The following BICD1 variants were observed in gnomAD, a reference collection of about 807,000 sequenced individuals.
The protein encoded by BICD1 is protein bicaudal D homolog 1.
In BICD1, 35 loss-of-function variants were observed where a neutral mutation model predicts 92.5. The observed-to-expected ratio is 0.38, with a 90% CI of 0.29 to 0.50. The LOEUF is 0.50. Ranked by LOEUF, BICD1 falls within the 20% of genes least tolerant of loss-of-function variation. The pLI, the probability that BICD1 is intolerant of heterozygous loss-of-function variation, is 0.93. For synonymous variants in BICD1, 429 were observed against 465.1 expected, an observed-to-expected ratio of 0.92 and a Z score of 1.00; for missense variants, 950 against 1,189.8, an observed-to-expected ratio of 0.80 and a Z score of 2.97.
At chr12:32,354,207 G>A (rs1173970537) in intron 8 of BICD1, 2 of 152,176 alleles carry the variant, frequency 1.3e-5, no homozygotes, top group African/African-American at 2.4e-5. Context: ...GGGAAGATGG[G>A]TGAAAGGTTT....
intron 4 of BICD1, among the ~76,000 whole-genome samples, chr12:32,314,560 C>T (rs554715683): frequency 6.6e-6 from 1 of 152,068 alleles, no homozygotes; most frequent in African/African-American, 2.4e-5. Flanking sequence ...CTTATCTGCT[C>T]TTTTATATCT....
intron 2 of BICD1, among the ~76,000 whole-genome samples, chr12:32,261,232 A>G (rs536010979): frequency 7.0e-6 from 1 of 142,570 alleles, no homozygotes; most frequent in Non-Finnish European, 1.5e-5. Flanking sequence ...AACTCATCCA[A>G]AACTTACAAA....
At chr12:32,189,316 C>T (rs141281069) in intron 1 of BICD1, among the ~76,000 whole-genome samples, 120 of 152,300 alleles carry the variant, frequency 7.9e-4, no homozygotes, top group South Asian at 2.5e-3. Context: ...AGACAATGTG[C>T]AGACAACCTC....
chr12:32,217,322 A>G (rs1945389726), intron 2 of BICD1, among the ~76,000 whole-genome samples: 1 of 152,244 alleles, frequency 6.6e-6, no homozygotes, highest in Non-Finnish European at 1.5e-5. Flanking sequence ...TTAGTGATAG[A>G]AATATGTAGG....
At chr12:32,362,642 T>A (rs1939372863) in intron 8 of BICD1, among the ~76,000 whole-genome samples, 2 of 152,174 alleles carry the variant, frequency 1.3e-5, no homozygotes, top group African/African-American at 4.8e-5. Context: ...TTTCTAGAGG[T>A]AGCTGGTGTC....
chr12:32,141,636 G>A (rs1357680236), intron 1 of BICD1, among the ~76,000 whole-genome samples: 1 of 152,096 alleles, frequency 6.6e-6, no homozygotes, highest in Non-Finnish European at 1.5e-5. Flanking sequence ...ACTACGCCCA[G>A]CTAATTTTTC....
chr12:32,110,857 T>G (rs1233268868), intron 1 of BICD1, among the ~76,000 whole-genome samples: 7 of 137,626 alleles, frequency 5.1e-5, no homozygotes, highest in East Asian at 2.5e-4. Flanking sequence ...GGAGGGGGGA[T>G]GGATAGCATT....
chr12:32,262,873 G>A (rs1385987907), intron 2 of BICD1, among the ~76,000 whole-genome samples: 1 of 152,200 alleles, frequency 6.6e-6, no homozygotes, highest in African/African-American at 2.4e-5. Context: ...GCTGTGAGTG[G>A]TGGCTCACGC....
chr12:32,314,860 C>A (rs11051925), intron 4 of BICD1, among the ~76,000 whole-genome samples: 2 of 151,732 alleles, frequency 1.3e-5, no homozygotes, highest in African/African-American at 2.4e-5. Context: ...AGCCTCAAAC[C>A]CCTGGACTCT....
intron 2 of BICD1, among the ~76,000 whole-genome samples, chr12:32,261,774 T>A (rs1218350780): frequency 6.6e-6 from 1 of 152,172 alleles, no homozygotes; most frequent in Non-Finnish European, 1.5e-5. Context: ...AGGAGCTCAC[T>A]GGGGCCATCA....
chr12:32,256,559 A>G (rs1946726727), intron 2 of BICD1, among the ~76,000 whole-genome samples: 1 of 152,262 alleles, frequency 6.6e-6, no homozygotes. Context: ...TCTTTTAGAA[A>G]ATGATAAAGA....
chr12:32,253,530 T>G (rs918868437), intron 2 of BICD1, among the ~76,000 whole-genome samples: 3 of 152,162 alleles, frequency 2.0e-5, no homozygotes, highest in Non-Finnish European at 4.4e-5. Context: ...ATCAGACTGT[T>G]TCCTCTTTTA....
chr12:32,327,398 T>C (rs1948806482), intron 4 of BICD1, 63 bp from the exon 5 acceptor site: 1 of 1,520,890 alleles, frequency 6.6e-7, no homozygotes, highest in East Asian at 2.3e-5. Context: ...CGACTGTGAA[T>C]GGATTAAGTT....
intron 1 of BICD1, among the ~76,000 whole-genome samples, chr12:32,204,738 A>G (rs529783261): frequency 6.6e-6 from 1 of 152,304 alleles, no homozygotes; most frequent in Non-Finnish European, 1.5e-5. Flanking sequence ...GTGATTCTCA[A>G]ATGGTATGCC....
In BICD1 at chr12:32,337,398, T is replaced by C; in HGVS notation, c.2253-101T>C. 4 of 1,111,500 alleles carry C rather than the reference T, an allele frequency of 3.6e-6. No individual in the cohort carries two copies. The highest frequency in any genetic ancestry group is 5.2e-6 in the Non-Finnish European group (4 of 773,964). The allele number at this position is 1,111,500 out of a possible 1,614,324, so 68.9% of individuals were successfully genotyped here. A position where few individuals can be genotyped will look rare whatever the true frequency, so the allele number is the denominator to read the frequency against. The stretch of plus-strand genomic sequence containing the variant: ...TTGCTAGACCTTTAAACCAGTCTTC[T>C]AAATTTCTAAATTTCGGTCAAATTT... On this transcript the variant is annotated intron_variant, in intron 6 of 9. Transcript: ENST00000652176. The surrounding 1 kb of genome is among the most constrained non-coding windows in gnomAD (Gnocchi z 4.7).
At chr12:32,301,248 A>C (rs1014121596) in intron 3 of BICD1, among the ~76,000 whole-genome samples, 2 of 152,118 alleles carry the variant, frequency 1.3e-5, no homozygotes, top group African/African-American at 2.4e-5. Context: ...CAGAGAATGA[A>C]CCTTTCATTT....
chr12:32,259,092 G>C (rs754124896), intron 2 of BICD1, among the ~76,000 whole-genome samples: 11 of 152,082 alleles, frequency 7.2e-5, no homozygotes, highest in African/African-American at 2.7e-4. Flanking sequence ...TTATGTGGGC[G>C]TAAGAGAGGG....
intron 1 of BICD1, among the ~76,000 whole-genome samples, chr12:32,126,271 C>T (rs1222257554): frequency 6.6e-6 from 1 of 152,024 alleles, no homozygotes; most frequent in Non-Finnish European, 1.5e-5. Flanking sequence ...TACCTCTTCT[C>T]AGACTTCATA....
intron 1 of BICD1, among the ~76,000 whole-genome samples, chr12:32,148,110 C>G (rs1489442997): frequency 3.9e-5 from 5 of 127,654 alleles, no homozygotes; most frequent in African/African-American, 1.5e-4. Context: ...CCATCACACT[C>G]TAGCCTGGGT....
Sources: allele counts gnomAD v4.1 joint callset (sites outside exome capture counted in the v4.1 genomes callset), GRCh38; gene constraint gnomAD v4.1.1; non-coding constraint Gnocchi (gnomAD v3.1); transcripts MANE v1.5; gene names NCBI Gene and HGNC (gene_info 2026-07-23, HGNC 2026-07-21).